The following PACS2 variants were observed in gnomAD, a reference collection of about 807,000 sequenced individuals.
PACS2 encodes phosphofurin acidic cluster sorting protein 2, also known as PACS1-like protein.
Under a neutral mutation model 113.0 loss-of-function variants are expected in PACS2, and 36 were observed. The observed-to-expected ratio is 0.32, with a 90% CI of 0.24 to 0.42. The LOEUF (loss-of-function observed/expected upper bound fraction) is 0.42. Ranked by LOEUF, PACS2 falls within the 10% of genes least tolerant of loss-of-function variation. The pLI, the probability that PACS2 is intolerant of heterozygous loss-of-function variation, is 1.00. For synonymous variants in PACS2, 589 were observed against 536.1 expected (o/e 1.10, Z -1.36); for missense variants, 1,015 against 1,239.5 (o/e 0.82, Z 2.72).
chr14:105,379,713 T>C, intron 9 of PACS2, 26 bp from the exon 10 acceptor site: 3 of 1,588,472 alleles, frequency 1.9e-6, no homozygotes, highest in Non-Finnish European at 2.6e-6. Flanking sequence ...AATTAACGTG[T>C]CCCCCACCCC....
Position 105,383,010 on chromosome 14 carries a change from G to C in PACS2, c.1625+97G>C. On this transcript the variant is annotated intron_variant, in intron 15 of 24. Coordinates refer to ENST00000447393, the MANE Select transcript of PACS2 (RefSeq NM_001100913.3). ...TTGCTCCGGGGCTAGGTGCGTCCTG[G>C]ACCTGGGGCTGTGGCTGGTGTCCAC... The C allele has an allele frequency of 5.4e-6, 4 of 736,352 alleles. No individual in the cohort carries two copies. In the South Asian group the frequency reaches 6.3e-5, roughly 12 times the overall value. The allele number at this position is 736,352 out of a possible 1,614,324, so 45.6% of individuals were successfully genotyped here. A position where few individuals can be genotyped will look rare whatever the true frequency, so the allele number is the denominator to read the frequency against.
At chr14:105,391,178 T>C (rs947958566) in intron 20 of PACS2, 29 bp from the exon 21 acceptor site, 23 of 1,600,096 alleles carry the variant, frequency 1.4e-5, no homozygotes, top group Non-Finnish European at 2.0e-5. Flanking sequence ...TTGCACGGCT[T>C]TCACCAGCCA....
chr14:105,334,869 C>T (rs968535674), intron 1 of PACS2, among the ~76,000 whole-genome samples: 8 of 152,364 alleles, frequency 5.3e-5, no homozygotes, highest in African/African-American at 1.7e-4. Flanking sequence ...CTGGCAGCCT[C>T]GGGAGTGTGT....
intron 4 of PACS2, among the ~76,000 whole-genome samples, chr14:105,360,877 G>C (rs2060655067): frequency 6.6e-6 from 1 of 152,110 alleles, no homozygotes; most frequent in African/African-American, 2.4e-5. Flanking sequence ...GTCCTGTGTT[G>C]TCACTCCGCA....
At chr14:105,332,578 G>A (rs777805494) in intron 1 of PACS2, among the ~76,000 whole-genome samples, 6 of 152,240 alleles carry the variant, frequency 3.9e-5, no homozygotes, top group Non-Finnish European at 7.3e-5. Flanking sequence ...GGGGCTCGGT[G>A]CCTGGGGCTG....
intron 20 of PACS2, chr14:105,390,884 C>G (rs976570847): frequency 4.8e-6 from 2 of 417,294 alleles, no homozygotes; most frequent in Non-Finnish European, 8.8e-6. Context: ...GGCCTATCCC[C>G]GTCGGCCCGC....
rs782619948 is a variant in PACS2 at position 105,381,108 on chromosome 14, G to A, written c.1268+9G>A. ...GTCATCCCCTCCACCAGGTGATGGG[G>A]GCTGCACGGCGGGGCGGGGCGGTGA... On this transcript the variant is annotated intron_variant, in intron 12 of 24. Coordinates refer to ENST00000447393, the MANE Select transcript of PACS2 (RefSeq NM_001100913.3). 1.2e-6 allele frequency: 2 copies of A among 1,609,172 alleles called. No individual in the cohort carries two copies. Among genetic ancestry groups the A allele is most frequent in the Non-Finnish European group, 1.7e-6 (2 of 1,177,728 alleles).
intron 1 of PACS2, among the ~76,000 whole-genome samples, chr14:105,339,336 A>G (rs2059638287): frequency 6.6e-6 from 1 of 151,672 alleles, no homozygotes; most frequent in African/African-American, 2.4e-5. Context: ...AGAAAAGCCC[A>G]TCTCTACTGA....
At chr14:105,382,964 C>T in intron 15 of PACS2, 51 bp downstream of exon 15, 1 of 1,077,414 alleles carries the variant, frequency 9.3e-7, no homozygotes, top group Non-Finnish European at 1.4e-6. Context: ...CTCGGGGTCC[C>T]TGCACCCCCA....
chr14:105,383,535 T>G lies in PACS2; in HGVS notation c.1780+22T>G, dbSNP rs192131534. On this transcript the variant is annotated intron_variant, in intron 16 of 24. Coordinates refer to ENST00000447393, the MANE Select transcript of PACS2 (RefSeq NM_001100913.3). ...CTGGGTGAGCACCACGCCGTCCACC[T>G]GGGCCTGGGCACAGATGCCACGGGC... 333 of 1,560,962 alleles carry G rather than the reference T, an allele frequency of 2.1e-4. 3 individuals are homozygous for G. In the African/African-American group the frequency reaches 3.4e-3, roughly 16 times the overall value.
At chr14:105,328,145 T>C (rs2059188541) in intron 1 of PACS2, among the ~76,000 whole-genome samples, 1 of 152,216 alleles carries the variant, frequency 6.6e-6, no homozygotes, top group South Asian at 2.1e-4. Flanking sequence ...GGTCAGAGGT[T>C]GAGTGTTTCC....
In PACS2 at chr14:105,354,526, G is replaced by A. The variant is rs1250891155; in HGVS notation, c.298-526G>A. Among the ~76,000 whole-genome samples, 1 of 152,206 alleles carries A rather than the reference G, an allele frequency of 6.6e-6. No homozygotes were observed. The highest frequency in any genetic ancestry group is 2.4e-5 in the African/African-American group (1 of 41,440). Reference sequence around the variant, plus strand: ...AAACTGATTTTTATTTGTGAACTCTGAGTGTCTAAGAGATACCTGTGAACA... The same window carrying A: ...AAACTGATTTTTATTTGTGAACTCTAAGTGTCTAAGAGATACCTGTGAACA... On this transcript the variant is annotated intron_variant, in intron 3 of 24. Transcript: ENST00000447393. This position sits in a 1 kb window ranked among gnomAD's most constrained non-coding sequence, Gnocchi z 4.2.
At position 105,323,262 on chromosome 14, in the gene PACS2, G is replaced by C. The variant is rs1165779900; in HGVS notation, c.119+8225G>C. Among the ~76,000 whole-genome samples, 5 of 152,180 alleles carry C rather than the reference G, an allele frequency of 3.3e-5. No individual in the cohort carries two copies. The highest frequency in any genetic ancestry group is 2.6e-4 in the Admixed American group (4 of 15,280). On this transcript the variant is annotated intron_variant, in intron 1 of 24. Transcript: ENST00000447393. The surrounding 1 kb of genome is among the most constrained non-coding windows in gnomAD (Gnocchi z 4.1). Reference sequence around the variant, plus strand: ...TGCGCTATTCTCTCTCTCACCTCTGGAGCAACAATTGGACGTGTTGCTCTT... The same window carrying C: ...TGCGCTATTCTCTCTCTCACCTCTGCAGCAACAATTGGACGTGTTGCTCTT...
chr14:105,394,131 A>T, intron 24 of PACS2: 3 of 897,504 alleles, frequency 3.3e-6, no homozygotes, highest in Non-Finnish European at 4.0e-6. Context: ...CTTTTTGAGC[A>T]CGGGTCAGAT....
intron 19 of PACS2, among the ~76,000 whole-genome samples, chr14:105,387,625 GT>G (rs2081222683): frequency 6.6e-6 from 1 of 152,256 alleles, no homozygotes; most frequent in Non-Finnish European, 1.5e-5. Flanking sequence ...CCAGGGCTGG[GT>G]GCTGTCTGCA....
rs587616407 is a variant in PACS2 at position 105,330,264 on chromosome 14, C to T, written c.119+15227C>T. ...GGGAGCCTCCGAGAAGCCTGGGGTC[C>T]GTGTGTGGGACGGAATGGGGACAGG... On this transcript the variant is annotated intron_variant, in intron 1 of 24. Coordinates refer to ENST00000447393, the MANE Select transcript of PACS2 (RefSeq NM_001100913.3). This position sits in a 1 kb window ranked among gnomAD's most constrained non-coding sequence, Gnocchi z 6.9. Among the ~76,000 whole-genome samples, 4 of 107,970 alleles carry T rather than the reference C, an allele frequency of 3.7e-5. No individual in the cohort carries two copies. Among genetic ancestry groups the T allele is most frequent in the Non-Finnish European group, 5.5e-5 (3 of 55,030 alleles). 70.8% of individuals were successfully genotyped at this position (107,970 alleles called of 152,430 possible).
At chr14:105,380,899 A>G (rs2080967874) in intron 11 of PACS2, 58 bp from the exon 12 acceptor site, 2 of 1,535,532 alleles carry the variant, frequency 1.3e-6, no homozygotes, top group Admixed American at 1.8e-5. Context: ...AGGGCTGGAG[A>G]GGCCGCAGCA....
At chr14:105,320,034 G>T (rs2058830288) in intron 1 of PACS2, among the ~76,000 whole-genome samples, 1 of 152,162 alleles carries the variant, frequency 6.6e-6, no homozygotes. Flanking sequence ...CTGGAGTGCA[G>T]TGGCGTGATC....
Position 105,348,389 on chromosome 14 carries a change from C to A in PACS2, c.120-104C>A. 2.4e-6 allele frequency: 2 copies of A among 841,000 alleles called. No individual in the cohort carries two copies. Among genetic ancestry groups the A allele is most frequent in the Non-Finnish European group, 3.8e-6 (2 of 524,292 alleles). The allele number at this position is 841,000 out of a possible 1,614,324, so 52.1% of individuals were successfully genotyped here. A position where few individuals can be genotyped will look rare whatever the true frequency, so the allele number is the denominator to read the frequency against. On this transcript the variant is annotated intron_variant, in intron 1 of 24. Transcript: ENST00000447393. The surrounding 1 kb of genome is among the most constrained non-coding windows in gnomAD (Gnocchi z 6.4). ...CCAGGCAGTCACACCCCGCCCTGCACCCCAGGGTGCAGGCTCCCGGGGTGA... is the reference window on the plus strand; with the variant it reads ...CCAGGCAGTCACACCCCGCCCTGCAACCCAGGGTGCAGGCTCCCGGGGTGA...
Sources: gnomAD v4.1 joint callset for allele counts (sites outside exome capture counted in the v4.1 genomes callset) on GRCh38, gnomAD v4.1.1 for gene constraint, Gnocchi (gnomAD v3.1) non-coding constraint, MANE v1.5 for transcripts, NCBI Gene and HGNC (gene_info 2026-07-23, HGNC 2026-07-21) for gene names.